Variants in TNR observed in about 807,000 individuals in gnomAD.
TNR encodes tenascin-R.
Under a neutral mutation model 150.4 loss-of-function variants are expected in TNR, and 45 were observed. That is an observed-to-expected ratio of 0.30 (90% CI 0.24 to 0.38). The LOEUF is 0.38. TNR is among the 10% of genes least tolerant of loss of function. TNR has a pLI of 1.00. For synonymous variants in TNR, 687 were observed against 678.4 expected (o/e 1.01, Z -0.20); for missense variants, 1,544 against 1,759.1 (o/e 0.88, Z 2.19).
intron 2 of TNR, among the ~76,000 whole-genome samples, chr1:175,479,822 C>T (rs931733211): frequency 2.6e-5 from 4 of 151,948 alleles, no homozygotes; most frequent in South Asian, 2.1e-4. Flanking sequence ...TGTGGGTAGC[C>T]GCATTTTCCA....
intron 1 of TNR, among the ~76,000 whole-genome samples, chr1:175,647,442 A>T (rs576926884): frequency 1.3e-5 from 2 of 151,948 alleles, no homozygotes; most frequent in African/African-American, 4.8e-5. Flanking sequence ...GTGCAAAAAA[A>T]AAAAAAACCT....
chr1:175,368,736 G>C (rs1251225100), intron 9 of TNR, among the ~76,000 whole-genome samples: 1 of 152,166 alleles, frequency 6.6e-6, no homozygotes, highest in Non-Finnish European at 1.5e-5. Flanking sequence ...GATCATCTGA[G>C]GTCAGGAGTT....
In TNR at chr1:175,592,534, C is replaced by T. The variant is rs1262178190; in HGVS notation, c.-164-64165G>A. 3.3e-5 allele frequency among the ~76,000 whole-genome samples: 5 copies of T among 152,276 alleles called. No homozygotes were observed. The East Asian group carries it at 9.6e-4, about 29-fold the overall frequency. ...GCCGGAGGCTCTCTCACTTTTCCGG[C>T]TGGTGCTGGGTGAGATAGTCTTTGC... On this transcript the variant is annotated intron_variant, in intron 1 of 22. Coordinates refer to ENST00000367674, the MANE Select transcript of TNR (RefSeq NM_003285.3).
At chr1:175,684,448 A>G (rs781371112) in intron 1 of TNR, among the ~76,000 whole-genome samples, 54 of 152,116 alleles carry the variant, frequency 3.5e-4, no homozygotes, top group Non-Finnish European at 7.4e-4. Context: ...GGACTATAAA[A>G]CCTAAAATCA....
At chr1:175,656,272 G>T (rs1665174434) in intron 1 of TNR, among the ~76,000 whole-genome samples, 1 of 151,844 alleles carries the variant, frequency 6.6e-6, no homozygotes, top group African/African-American at 2.4e-5. Flanking sequence ...CAACCCTGAG[G>T]TGTTACACAA....
chr1:175,421,444 T>C (rs1654753546), intron 2 of TNR, among the ~76,000 whole-genome samples: 1 of 152,208 alleles, frequency 6.6e-6, no homozygotes, highest in South Asian at 2.1e-4. Context: ...ATTCACTAAA[T>C]AGAAAGCCCA....
At chr1:175,688,492 G>A (rs1666265375) in intron 1 of TNR, among the ~76,000 whole-genome samples, 1 of 152,232 alleles carries the variant, frequency 6.6e-6, no homozygotes. Flanking sequence ...AAATGAGGAA[G>A]AGAATGACTG....
At chr1:175,562,611 G>T (rs1457373258) in intron 1 of TNR, among the ~76,000 whole-genome samples, 1 of 152,240 alleles carries the variant, frequency 6.6e-6, no homozygotes, top group Non-Finnish European at 1.5e-5. Flanking sequence ...TTGCAGAAAT[G>T]CAAGTCTTGG....
At chr1:175,629,100 T>C (rs1268203687) in intron 1 of TNR, among the ~76,000 whole-genome samples, 1 of 152,196 alleles carries the variant, frequency 6.6e-6, no homozygotes, top group Non-Finnish European at 1.5e-5. Context: ...TGCGGTGCAC[T>C]GGGCTTCTGA....
intron 17 of TNR, among the ~76,000 whole-genome samples, chr1:175,354,995 C>CA (rs1181102029): frequency 2.0e-5 from 3 of 152,094 alleles, no homozygotes; most frequent in African/African-American, 7.2e-5. Flanking sequence ...TGAAATAAAA[C>CA]AAAAATTTGT....
At chr1:175,334,355 T>C (rs1448363901) in intron 20 of TNR, among the ~76,000 whole-genome samples, 1 of 152,184 alleles carries the variant, frequency 6.6e-6, no homozygotes, top group Non-Finnish European at 1.5e-5. Flanking sequence ...CTCCCCTCCT[T>C]TTTCAGGGAC....
chr1:175,730,371 A>G (rs1473879894), intron 1 of TNR, among the ~76,000 whole-genome samples: 1 of 152,144 alleles, frequency 6.6e-6, no homozygotes, highest in Non-Finnish European at 1.5e-5. Flanking sequence ...TACCTGACAC[A>G]GCTGGTTCCT....
chr1:175,500,271 T>G (rs1658676554), intron 2 of TNR, among the ~76,000 whole-genome samples: 1 of 152,168 alleles, frequency 6.6e-6, no homozygotes, highest in African/African-American at 2.4e-5. Context: ...CCCAGGGAGT[T>G]GCTTGCTAGA....
intron 5 of TNR, 35 bp from the exon 6 acceptor site, chr1:175,393,930 C>T (rs1310021326): frequency 3.3e-6 from 5 of 1,527,968 alleles, no homozygotes; most frequent in Non-Finnish European, 4.5e-6. Flanking sequence ...AATGTCATGG[C>T]TAACCCTTGG....
intron 1 of TNR, among the ~76,000 whole-genome samples, chr1:175,693,561 G>C (rs1169131713): frequency 6.6e-6 from 1 of 152,184 alleles, no homozygotes; most frequent in African/African-American, 2.4e-5. Context: ...GAGCCCATCT[G>C]TACGCTGTCA....
At chr1:175,414,257 G>T (rs1654338205) in intron 2 of TNR, among the ~76,000 whole-genome samples, 1 of 151,164 alleles carries the variant, frequency 6.6e-6, no homozygotes, top group Non-Finnish European at 1.5e-5. Context: ...TAAGACAGGG[G>T]AAAAAGAGGG....
At chr1:175,382,052 C>T (rs1359926175) in intron 8 of TNR, among the ~76,000 whole-genome samples, 1 of 152,210 alleles carries the variant, frequency 6.6e-6, no homozygotes, top group Non-Finnish European at 1.5e-5. Flanking sequence ...TTCAGAGAGG[C>T]CTTTTCAAAC....
chr1:175,535,251 CAAGTG>C (rs1354684351), intron 1 of TNR, among the ~76,000 whole-genome samples: 1 of 152,132 alleles, frequency 6.6e-6, no homozygotes, highest in East Asian at 1.9e-4. Flanking sequence ...AATGTCCCTC[CAAGTG>C]AAGAAGTTAC....
intron 2 of TNR, among the ~76,000 whole-genome samples, chr1:175,485,212 C>A (rs533007527): frequency 1.3e-5 from 2 of 152,096 alleles, no homozygotes; most frequent in Non-Finnish European, 2.9e-5. Flanking sequence ...TGCTGGCCAA[C>A]CAAAAAATCT....
Sources: allele counts gnomAD v4.1 joint callset (sites outside exome capture counted in the v4.1 genomes callset), GRCh38; gene constraint gnomAD v4.1.1; transcripts MANE v1.5; gene names NCBI Gene and HGNC (gene_info 2026-07-23, HGNC 2026-07-21).